SBF2: variants seen among roughly 807,000 people sequenced by gnomAD.
SBF2 encodes the protein myotubularin-related protein 13.
SBF2 carries 112 observed loss-of-function variants against 225.2 expected under a neutral mutation model. The ratio of observed to expected loss-of-function variants is 0.50; its 90% confidence interval spans 0.43 to 0.58. SBF2 has a LOEUF of 0.58. Ranked by LOEUF, SBF2 falls within the 20% of genes least tolerant of loss-of-function variation. SBF2 has a pLI of 0.00. For missense variants in SBF2, 1,996 were observed against 2,206.2 expected (o/e 0.90, Z 1.91); for synonymous variants, 763 against 773.3 (o/e 0.99, Z 0.22).
At chr11:9,869,938 C>T (rs1564935979) in intron 17 of SBF2, among the ~76,000 whole-genome samples, 1 of 152,094 alleles carries the variant, frequency 6.6e-6, no homozygotes, top group Admixed American at 6.6e-5. Flanking sequence ...TGGCATGGTC[C>T]TATATCTAGA....
chr11:10,285,669 A>AC (rs979163729), intron 1 of SBF2, among the ~76,000 whole-genome samples: 72 of 152,286 alleles, frequency 4.7e-4, no homozygotes, highest in African/African-American at 1.6e-3. Context: ...GGGTATTTAA[A>AC]CCCCAGAAAA....
At chr11:10,168,841 C>T (rs1039247654) in intron 2 of SBF2, among the ~76,000 whole-genome samples, 2 of 152,130 alleles carry the variant, frequency 1.3e-5, no homozygotes, top group Non-Finnish European at 2.9e-5. Flanking sequence ...AACAGTTATA[C>T]TGCATAAGGA....
chr11:9,882,567 G>A (rs1365480210), intron 17 of SBF2, among the ~76,000 whole-genome samples: 2 of 152,034 alleles, frequency 1.3e-5, no homozygotes, highest in Non-Finnish European at 2.9e-5. Flanking sequence ...CCAGCACTTT[G>A]GGAGGCCAAG....
At chr11:9,857,974 T>C (rs1380945594) in intron 18 of SBF2, among the ~76,000 whole-genome samples, 1 of 152,210 alleles carries the variant, frequency 6.6e-6, no homozygotes, top group Non-Finnish European at 1.5e-5. Context: ...CTTCCTATAG[T>C]CATTTCCAGG....
At position 9,961,768 on chromosome 11, in the gene SBF2, A is replaced by G; in HGVS notation, c.1860+189T>C. 7.5e-6 allele frequency: 4 copies of G among 531,006 alleles called. No individual in the cohort carries two copies. The South Asian group carries it at 1.2e-4, about 15-fold the overall frequency. 32.9% of individuals were successfully genotyped at this position (531,006 alleles called of 1,614,324 possible). On this transcript the variant is annotated intron_variant, in intron 16 of 39. Coordinates refer to ENST00000256190, the MANE Select transcript of SBF2 (RefSeq NM_030962.4). Reference sequence around the variant, plus strand: ...GCATTTTCAAAGAGAAAACAAAGAAAGAACAAAAACTCTTAATATTTATGC... The same window carrying G: ...GCATTTTCAAAGAGAAAACAAAGAAGGAACAAAAACTCTTAATATTTATGC...
rs66939707 is a variant in SBF2 at position 10,033,663 on chromosome 11, A to AACAC, written c.280-2497_280-2494dup. Reference sequence around the variant, plus strand: ...AAAGCAAAATGTACTGCTGTGATTAAACACACACACACACACACACACACA... The same window carrying AACAC: ...AAAGCAAAATGTACTGCTGTGATTAAACACACACACACACACACACACACACACA... On this transcript the variant is annotated intron_variant, in intron 3 of 39. Coordinates refer to ENST00000256190, the MANE Select transcript of SBF2 (RefSeq NM_030962.4). Among the ~76,000 whole-genome samples the AACAC allele has an allele frequency of 3.6e-3, 533 of 149,774 alleles. 3 individuals carry two copies. The highest frequency in any genetic ancestry group is 0.03 in the South Asian group (142 of 4,730).
chr11:9,970,142 T>C (rs1004028883), intron 13 of SBF2, among the ~76,000 whole-genome samples: 8 of 152,092 alleles, frequency 5.3e-5, no homozygotes, highest in African/African-American at 1.9e-4. Flanking sequence ...GACCAGAAAA[T>C]TCCTTATTCC....
At chr11:9,794,676 CAAAAA>C (rs575749593) in intron 33 of SBF2, among the ~76,000 whole-genome samples, 1,925 of 35,076 alleles carry the variant, frequency 0.055, 14 homozygotes, top group African/African-American at 0.17. Flanking sequence ...GACTCCGTCT[CAAAAA>C]AAAAAAAAAA....
At chr11:9,999,373 T>C (rs954024519) in intron 8 of SBF2, among the ~76,000 whole-genome samples, 5 of 151,986 alleles carry the variant, frequency 3.3e-5, no homozygotes, top group African/African-American at 1.2e-4. Context: ...CAGGCTGGAG[T>C]ATAGTGGTGC....
chr11:10,021,257 A>G (rs1321860353), intron 6 of SBF2, among the ~76,000 whole-genome samples: 1 of 152,232 alleles, frequency 6.6e-6, no homozygotes, highest in East Asian at 1.9e-4. Flanking sequence ...GCATTTTACA[A>G]GATTATTTGG....
rs541879595 is a variant in SBF2, at chr11:10,163,392, C to T, written c.141+30510G>A. Among the ~76,000 whole-genome samples, 17 of 152,238 alleles carry T rather than the reference C, an allele frequency of 1.1e-4. No individual in the cohort carries two copies. In the East Asian group the frequency reaches 2.7e-3, roughly 24 times the overall value. ...CAAGTAAGGAAAGAAAATGAAGTCT[C>T]CTAGAACTGCTCCTAATGAAAGAAA... is the stretch of plus-strand genomic sequence containing the variant. On this transcript the variant is annotated intron_variant, in intron 2 of 39. Coordinates refer to ENST00000256190, the MANE Select transcript of SBF2 (RefSeq NM_030962.4).
intron 22 of SBF2, among the ~76,000 whole-genome samples, chr11:9,848,346 A>G (rs954142683): frequency 6.6e-6 from 1 of 152,256 alleles, no homozygotes; most frequent in Admixed American, 6.5e-5. Context: ...TGTGTCATCA[A>G]AGGATAAATT....
chr11:9,977,320 C>CA (rs1318103118), intron 13 of SBF2, among the ~76,000 whole-genome samples: 1 of 151,630 alleles, frequency 6.6e-6, no homozygotes, highest in Non-Finnish European at 1.5e-5. Flanking sequence ...CCTATCTCTA[C>CA]AAAAAAATTA....
chr11:10,109,319 T>A (rs545773428), intron 2 of SBF2, among the ~76,000 whole-genome samples: 2 of 152,338 alleles, frequency 1.3e-5, no homozygotes, highest in East Asian at 3.9e-4. Flanking sequence ...TCTTCTTTAA[T>A]GAGGGAGATT....
chr11:10,117,182 T>C (rs748870057), intron 2 of SBF2, among the ~76,000 whole-genome samples: 9 of 152,198 alleles, frequency 5.9e-5, no homozygotes, highest in Admixed American at 1.3e-4. Flanking sequence ...GGCTCACGCC[T>C]GTAATCCCAG....
At chr11:10,292,006 C>T (rs1213798607) in intron 1 of SBF2, among the ~76,000 whole-genome samples, 1 of 152,098 alleles carries the variant, frequency 6.6e-6, no homozygotes, top group Non-Finnish European at 1.5e-5. Flanking sequence ...AAGTGACTGA[C>T]CTGTAATTGT....
intron 13 of SBF2, among the ~76,000 whole-genome samples, chr11:9,972,925 T>C (rs1946526449): frequency 6.6e-6 from 1 of 152,358 alleles, no homozygotes; most frequent in East Asian, 1.9e-4. Context: ...TGAATATCTG[T>C]AGTTATATAG....
chr11:10,235,328 A>C (rs976986454), intron 1 of SBF2, among the ~76,000 whole-genome samples: 1 of 152,232 alleles, frequency 6.6e-6, no homozygotes, highest in Non-Finnish European at 1.5e-5. Context: ...TGAGGTGAAG[A>C]GTTTGGGACC....
At position 10,041,941 on chromosome 11, in the gene SBF2, A is replaced by C. The variant is rs987667072; in HGVS notation, c.279+903T>G. On this transcript the variant is annotated intron_variant, in intron 3 of 39. Coordinates refer to ENST00000256190, the MANE Select transcript of SBF2 (RefSeq NM_030962.4). ...ACCACCACCAGCACCAACAAAAAAAACCCTACACTTTTTGGGGCAAAATGG... is the reference window on the plus strand; with the variant it reads ...ACCACCACCAGCACCAACAAAAAAACCCCTACACTTTTTGGGGCAAAATGG... 4.2e-4 allele frequency among the ~76,000 whole-genome samples: 64 copies of C among 151,586 alleles called. 1 individual carries two copies. The highest frequency in any genetic ancestry group is 1.3e-4 in the Non-Finnish European group (9 of 67,926).
Sources: gnomAD v4.1 joint callset for allele counts (sites outside exome capture counted in the v4.1 genomes callset) on GRCh38, gnomAD v4.1.1 for gene constraint, MANE v1.5 for transcripts, NCBI Gene and HGNC (gene_info 2026-07-23, HGNC 2026-07-21) for gene names.